Variants in NRXN1 observed in about 807,000 individuals in gnomAD.
NRXN1 encodes neurexin-1.
A neutral mutation model predicts 150.9 loss-of-function variants in NRXN1; 39 were observed. The ratio of observed to expected loss-of-function variants is 0.26; its 90% CI spans 0.20 to 0.34. The LOEUF (loss-of-function observed/expected upper bound fraction) is 0.34, where lower values mean the gene tolerates loss of function less well. Ranked by LOEUF, NRXN1 falls within the 10% of genes least tolerant of loss-of-function variation. NRXN1 has a pLI of 1.00. For missense variants in NRXN1, 1,815 were observed against 1,949.9 expected (o/e 0.93, Z 1.30); for synonymous variants, 924 against 757.0 (o/e 1.22, Z -3.62).
intron 5 of NRXN1, among the ~76,000 whole-genome samples, chr2:50,708,289 A>G (rs1694711870): frequency 6.6e-6 from 1 of 152,198 alleles, no homozygotes; most frequent in South Asian, 2.1e-4. Flanking sequence ...TATTTTCAAT[A>G]CTTATAAAAT....
At chr2:50,102,246 A>G (rs772942445) in intron 18 of NRXN1, among the ~76,000 whole-genome samples, 8 of 152,062 alleles carry the variant, frequency 5.3e-5, no homozygotes, top group Non-Finnish European at 1.2e-4. Flanking sequence ...ACAAAAATGA[A>G]GTAATGCAGA....
intron 19 of NRXN1, among the ~76,000 whole-genome samples, chr2:50,086,304 C>T (rs1207388401): frequency 6.6e-6 from 1 of 152,084 alleles, no homozygotes; most frequent in Non-Finnish European, 1.5e-5. Flanking sequence ...GATTAAGCTA[C>T]ACTAAAGGTT....
intron 22 of NRXN1, among the ~76,000 whole-genome samples, chr2:49,930,405 A>G (rs981281769): frequency 6.6e-6 from 1 of 152,178 alleles, no homozygotes; most frequent in African/African-American, 2.4e-5. Context: ...TGATAGGAAA[A>G]AAGACAAACA....
intron 18 of NRXN1, among the ~76,000 whole-genome samples, chr2:50,140,516 C>T (rs905159016): frequency 6.6e-6 from 1 of 151,962 alleles, no homozygotes; most frequent in African/African-American, 2.4e-5. Context: ...ACTACAGAGG[C>T]CAGACTTTAA....
At chr2:50,848,430 C>G (rs370186309) in intron 5 of NRXN1, among the ~76,000 whole-genome samples, 31 of 152,174 alleles carry the variant, frequency 2.0e-4, no homozygotes, top group African/African-American at 7.0e-4. Flanking sequence ...TTCAGAAAAG[C>G]TAATGACATA....
At chr2:50,570,836 T>G (rs1361108859) in intron 8 of NRXN1, among the ~76,000 whole-genome samples, 2 of 152,182 alleles carry the variant, frequency 1.3e-5, no homozygotes, top group African/African-American at 4.8e-5. Flanking sequence ...TGATTTATTT[T>G]GATATCAAAG....
intron 17 of NRXN1, among the ~76,000 whole-genome samples, chr2:50,312,978 C>T (rs754992745): frequency 6.6e-6 from 1 of 151,936 alleles, no homozygotes; most frequent in Non-Finnish European, 1.5e-5. Flanking sequence ...GAGAATGGAA[C>T]ATAGATGGCT....
At chr2:50,874,000 G>T (rs1484237962) in intron 5 of NRXN1, among the ~76,000 whole-genome samples, 1 of 151,838 alleles carries the variant, frequency 6.6e-6, no homozygotes, top group Non-Finnish European at 1.5e-5. Flanking sequence ...TAATAATGCT[G>T]CCCAAGGGCA....
intron 5 of NRXN1, among the ~76,000 whole-genome samples, chr2:50,666,147 A>AAT (rs1687988676): frequency 6.6e-6 from 1 of 152,096 alleles, no homozygotes; most frequent in Admixed American, 6.6e-5. Flanking sequence ...TAATTGAGAT[A>AAT]ATAAAGTAAG....
At position 50,246,559 on chromosome 2, in the gene NRXN1, G is replaced by T. The variant is rs7578867; in HGVS notation, c.3365-9589C>A. Among the ~76,000 whole-genome samples, 3 of 151,588 alleles carry T rather than the reference G, an allele frequency of 2.0e-5. No homozygotes were observed. In the South Asian group the frequency reaches 6.2e-4, roughly 31 times the overall value. On this transcript the variant is annotated intron_variant, in intron 17 of 22. Coordinates refer to ENST00000401669, the MANE Select transcript of NRXN1 (RefSeq NM_001330078.2). ...TCATTCTTTACCTGACTAGGCCCTC[G>T]TCAAAACCATTTACTAATTATTTTG...
chr2:50,116,036 T>C (rs902056208), intron 18 of NRXN1, among the ~76,000 whole-genome samples: 2 of 152,124 alleles, frequency 1.3e-5, no homozygotes, highest in Non-Finnish European at 1.5e-5. Context: ...AAGACATAGA[T>C]TGAAATTATC....
chr2:50,227,872 G>A (rs2064553662), intron 18 of NRXN1, among the ~76,000 whole-genome samples: 1 of 152,040 alleles, frequency 6.6e-6, no homozygotes, highest in Non-Finnish European at 1.5e-5. Context: ...CCAAGGAGCT[G>A]AATTTTAAAA....
chr2:50,683,988 A>G (rs2104822410), intron 5 of NRXN1, among the ~76,000 whole-genome samples: 1 of 152,114 alleles, frequency 6.6e-6, no homozygotes, highest in African/African-American at 2.4e-5. Context: ...GATAGTTAGT[A>G]TACATACCCA....
chr2:49,973,780 A>G (rs1290712962), intron 21 of NRXN1: 1 of 570,666 alleles, frequency 1.8e-6, no homozygotes, highest in South Asian at 2.4e-5. Context: ...CACATTTCAC[A>G]TACAGCGTGC....
intron 5 of NRXN1, among the ~76,000 whole-genome samples, chr2:50,768,764 C>A (rs1285067123): frequency 1.3e-5 from 2 of 151,876 alleles, no homozygotes; most frequent in Non-Finnish European, 2.9e-5. Context: ...GAAGTTCATA[C>A]CCTTAGTAAA....
intron 10 of NRXN1, among the ~76,000 whole-genome samples, chr2:50,531,995 G>C (rs1177428049): frequency 2.6e-5 from 4 of 152,072 alleles, no homozygotes; most frequent in Non-Finnish European, 5.9e-5. Context: ...ACAGGCGCAT[G>C]ACACCATGCC....
At chr2:50,518,919 A>AT (rs1553731224) in intron 12 of NRXN1, among the ~76,000 whole-genome samples, 2 of 151,116 alleles carry the variant, frequency 1.3e-5, no homozygotes, top group African/African-American at 2.4e-5. Flanking sequence ...AGAGAAAAAA[A>AT]CCCTAAGTTT....
intron 18 of NRXN1, among the ~76,000 whole-genome samples, chr2:50,106,600 A>T (rs993270715): frequency 4.6e-5 from 7 of 152,040 alleles, no homozygotes; most frequent in Non-Finnish European, 8.8e-5. Context: ...TGAACCTAGC[A>T]CAATTTGGTT....
intron 18 of NRXN1, 152 bp from the exon 19 acceptor site, chr2:50,091,646 A>C (rs1260713840): frequency 1.3e-6 from 1 of 765,116 alleles, no homozygotes; most frequent in East Asian, 2.7e-5. Flanking sequence ...AGTAGAAGCA[A>C]GATTCTTGAC....
Sources: gnomAD v4.1 joint callset for allele counts (sites outside exome capture counted in the v4.1 genomes callset) on GRCh38, gnomAD v4.1.1 for gene constraint, MANE v1.5 for transcripts, NCBI Gene and HGNC (gene_info 2026-07-23, HGNC 2026-07-21) for gene names.